DENND3: variants seen among roughly 807,000 people sequenced by gnomAD.
The protein encoded by DENND3 is DENN domain-containing protein 3.
A neutral mutation model predicts 135.1 loss-of-function variants in DENND3; 88 were observed. The ratio of observed to expected loss-of-function variants is 0.65; its 90% CI spans 0.55 to 0.78. DENND3 has a LOEUF of 0.78. Ranked by LOEUF, DENND3 falls within the 30% of genes least tolerant of loss-of-function variation. DENND3 has a pLI of 0.00. For synonymous variants in DENND3, 693 were observed against 712.3 expected (o/e 0.97, Z 0.43); for missense variants, 1,392 against 1,688.4 (o/e 0.82, Z 3.08).
In DENND3 at chr8:141,144,582, C is replaced by T. The variant is rs187642286; in HGVS notation, c.735+323C>T. ...ACTAAAACGAAAATCCTAAGCCTCC[C>T]TACTGACTGAACAGGTTCCCTCTTG... is the stretch of plus-strand genomic sequence containing the variant. On this transcript the variant is annotated intron_variant, in intron 5 of 22. Coordinates refer to ENST00000519811, the MANE Select transcript of DENND3 (RefSeq NM_001352890.3). This position sits in a 1 kb window ranked among gnomAD's most constrained non-coding sequence, Gnocchi z 4.4. Among the ~76,000 whole-genome samples, 90 of 152,154 alleles carry T rather than the reference C, an allele frequency of 5.9e-4. No homozygotes were observed. The highest frequency in any genetic ancestry group is 9.4e-4 in the Non-Finnish European group (64 of 67,998).
rs1276316298 is a variant in DENND3, at chr8:141,194,176, C to T, written c.3780C>T (p.Tyr1260=). The T allele has an allele frequency of 6.2e-6, 10 of 1,613,478 alleles. No individual in the cohort carries two copies. Among genetic ancestry groups the T allele is most frequent in the East Asian group, 2.2e-5 (1 of 44,882 alleles). ...VRTLCSAEDR[Y]VLSGSGREEG... ...CGCTGTGCTCGGCTGAGGACAGATA[C>T]GTGCTGAGTGGGTCGGGCAGGGAGG... The change falls in exon 23 of 23, where the codon TAC becomes TAT. Residue 1260 remains tyrosine, a synonymous_variant. Transcript: ENST00000519811.
At chr8:141,178,972 ATG>A (rs1370144136) in intron 16 of DENND3, among the ~76,000 whole-genome samples, 1 of 152,246 alleles carries the variant, frequency 6.6e-6, no homozygotes, top group African/African-American at 2.4e-5. Context: ...GTGAGCATTC[ATG>A]TGTAAGCTCT....
chr8:141,186,903 G>A (rs1823962011), intron 18 of DENND3, among the ~76,000 whole-genome samples: 1 of 152,150 alleles, frequency 6.6e-6, no homozygotes, highest in South Asian at 2.1e-4. Context: ...GGATCTGTGT[G>A]CGCTTCCCTG....
intron 5 of DENND3, among the ~76,000 whole-genome samples, chr8:141,147,969 T>G (rs1209765903): frequency 6.6e-6 from 1 of 152,256 alleles, no homozygotes; most frequent in East Asian, 1.9e-4. Context: ...CCAAGTCTAA[T>G]TAGCTACTGG....
intron 1 of DENND3, among the ~76,000 whole-genome samples, chr8:141,134,846 T>C (rs1251813240): frequency 1.3e-5 from 2 of 152,242 alleles, no homozygotes; most frequent in East Asian, 3.9e-4. Flanking sequence ...ATCTCCTTTC[T>C]TCCTTACGGA....
At chr8:141,131,998 C>T (rs554409718) in intron 1 of DENND3, among the ~76,000 whole-genome samples, 4 of 152,074 alleles carry the variant, frequency 2.6e-5, no homozygotes, top group Admixed American at 6.5e-5. Flanking sequence ...GAACTGGGTG[C>T]GTGCAAGTGT....
rs1376290517 is a variant in DENND3, at chr8:141,145,847, A to G, written c.735+1588A>G. ...TATATATATATATATATATATATAT[A>G]TATGTATTTTTTTTTTTTTGAGGCG... On this transcript the variant is annotated intron_variant, in intron 5 of 22. Transcript: ENST00000519811. Among the ~76,000 whole-genome samples, 14 of 56,164 alleles carry G rather than the reference A, an allele frequency of 2.5e-4. 1 individual carries two copies. The highest frequency in any genetic ancestry group is 3.9e-4 in the African/African-American group (5 of 12,818). 36.8% of individuals were successfully genotyped at this position (56,164 alleles called of 152,430 possible). A position where few individuals can be genotyped will look rare whatever the true frequency, so the allele number is the denominator to read the frequency against.
At chr8:141,149,687 C>G (rs111381281) in intron 5 of DENND3, among the ~76,000 whole-genome samples, 2 of 152,364 alleles carry the variant, frequency 1.3e-5, no homozygotes, top group East Asian at 3.9e-4. Flanking sequence ...CCATATGTGC[C>G]GGTTGGGCTT....
intron 5 of DENND3, among the ~76,000 whole-genome samples, chr8:141,148,485 A>G (rs1179905520): frequency 6.6e-6 from 1 of 152,200 alleles, no homozygotes; most frequent in Non-Finnish European, 1.5e-5. Flanking sequence ...AAAATCTCAC[A>G]CACACACACA....
At chr8:141,132,545 G>A (rs1393398376) in intron 1 of DENND3, among the ~76,000 whole-genome samples, 2 of 151,944 alleles carry the variant, frequency 1.3e-5, no homozygotes, top group East Asian at 3.9e-4. Flanking sequence ...TTAGTAGAGA[G>A]GGGGTTTCTC....
intron 9 of DENND3, among the ~76,000 whole-genome samples, chr8:141,161,430 G>A (rs1033761583): frequency 6.6e-6 from 1 of 152,368 alleles, no homozygotes; most frequent in East Asian, 1.9e-4. Flanking sequence ...CAGCACCTGA[G>A]CTGGAATTGG....
intron 16 of DENND3, among the ~76,000 whole-genome samples, chr8:141,180,313 C>T (rs567173883): frequency 1.5e-4 from 23 of 152,290 alleles, no homozygotes; most frequent in Non-Finnish European, 2.2e-4. Flanking sequence ...TGGGAAACCG[C>T]GCTCATGGGT....
At chr8:141,164,998 G>A (rs1368186856) in intron 10 of DENND3, among the ~76,000 whole-genome samples, 188 bp from the exon 11 acceptor site, 3 of 152,230 alleles carry the variant, frequency 2.0e-5, no homozygotes, top group African/African-American at 4.8e-5. Flanking sequence ...GTGTGTGAAT[G>A]TATGGCAGCC....
intron 7 of DENND3, 85 bp from the exon 8 acceptor site, chr8:141,155,764 C>T (rs1186936095): frequency 4.1e-5 from 60 of 1,463,686 alleles, no homozygotes; most frequent in Non-Finnish European, 5.4e-5. Flanking sequence ...TTAGTGAACT[C>T]AAAACATATT....
intron 13 of DENND3, among the ~76,000 whole-genome samples, chr8:141,173,270 G>A (rs1821882764): frequency 6.6e-6 from 1 of 152,236 alleles, no homozygotes; most frequent in East Asian, 1.9e-4. Context: ...AATTGCACTA[G>A]GCCTACAGAG....
In DENND3 at chr8:141,166,057, T is replaced by C; in HGVS notation, c.1554-133T>C. 1.1e-6 allele frequency: 1 copy of C among 912,512 alleles called. No individual in the cohort carries two copies. The highest frequency in any genetic ancestry group is 1.5e-5 in the South Asian group (1 of 65,232). The allele number at this position is 912,512 out of a possible 1,614,324, so 56.5% of individuals were successfully genotyped here. On this transcript the variant is annotated intron_variant, in intron 11 of 22. Transcript: ENST00000519811. The surrounding 1 kb of genome is among the most constrained non-coding windows in gnomAD (Gnocchi z 4.3). ...TGGTGAGATTTGGGCAACATGTTCTTACCAGTCTGTTTTCCACTGGTGTCC... is the reference window on the plus strand; with the variant it reads ...TGGTGAGATTTGGGCAACATGTTCTCACCAGTCTGTTTTCCACTGGTGTCC...
Position 141,168,422 on chromosome 8 carries a change from CAAG to C in DENND3, c.2176_2178del (p.Lys726del). ...ACCACGTGAAGAAGTTCAAGCTGCC[CAAG>C]AAGCACATGCAGCTGGGCGACTTCA... is the stretch of plus-strand genomic sequence containing the variant. On this transcript the variant is annotated inframe_deletion, in exon 13 of 23. Transcript: ENST00000519811. This position sits in a 1 kb window ranked among gnomAD's most constrained non-coding sequence, Gnocchi z 6.2. 6.2e-7 allele frequency: 1 copy of C among 1,613,858 alleles called. No individual in the cohort carries two copies.
chr8:141,172,312 G>A (rs1332547426), intron 13 of DENND3, among the ~76,000 whole-genome samples: 1 of 151,998 alleles, frequency 6.6e-6, no homozygotes, highest in Non-Finnish European at 1.5e-5. Context: ...CTGCAGTGCT[G>A]GTGGCGTAGT....
At chr8:141,164,491 CG>C in intron 10 of DENND3, among the ~76,000 whole-genome samples, 1 of 152,306 alleles carries the variant, frequency 6.6e-6, no homozygotes, top group South Asian at 2.1e-4. Flanking sequence ...TACCCTGCCC[CG>C]GGTGTCTCCT....
Sources: allele counts gnomAD v4.1 joint callset (sites outside exome capture counted in the v4.1 genomes callset), GRCh38; gene constraint gnomAD v4.1.1; non-coding constraint Gnocchi (gnomAD v3.1); transcripts MANE v1.5; gene names NCBI Gene and HGNC (gene_info 2026-07-23, HGNC 2026-07-21).